The following SS18 variants were observed in gnomAD, a reference collection of about 807,000 sequenced individuals.
The protein encoded by SS18 is SS18 subunit of BAF chromatin remodeling complex, also known as protein SSXT.
Under a neutral mutation model 72.5 loss-of-function variants are expected in SS18, and 28 were observed. That is an observed-to-expected ratio of 0.39 (90% CI 0.29 to 0.53). SS18 has a LOEUF of 0.53. Ranked by LOEUF, SS18 falls within the 20% of genes least tolerant of loss-of-function variation. SS18 has a pLI of 0.76. For missense variants in SS18, 518 were observed against 535.3 expected (o/e 0.97, Z 0.32); for synonymous variants, 172 against 164.2 (o/e 1.05, Z -0.37).
intron 10 of SS18, among the ~76,000 whole-genome samples, chr18:26,020,525 T>C (rs1325873767): frequency 6.6e-6 from 1 of 152,216 alleles, no homozygotes; most frequent in Non-Finnish European, 1.5e-5. Context: ...ATTTATCTAC[T>C]GTATTATGAA....
intron 3 of SS18, among the ~76,000 whole-genome samples, chr18:26,064,588 T>A (rs963097443): frequency 6.6e-6 from 1 of 152,038 alleles, no homozygotes; most frequent in Admixed American, 6.5e-5. Context: ...ATAAAATCTT[T>A]CAGAAACTAA....
chr18:26,070,410 A>C, intron 3 of SS18, among the ~76,000 whole-genome samples: 1 of 152,210 alleles, frequency 6.6e-6, no homozygotes, highest in East Asian at 1.9e-4. Flanking sequence ...TGCTTATAGA[A>C]CAACTTCTCC....
At chr18:26,040,734 T>A (rs1270797206) in intron 5 of SS18, among the ~76,000 whole-genome samples, 1 of 152,210 alleles carries the variant, frequency 6.6e-6, no homozygotes, top group Non-Finnish European at 1.5e-5. Context: ...TTTCTCCTAT[T>A]TGCCTTCCGT....
intron 3 of SS18, among the ~76,000 whole-genome samples, chr18:26,074,418 T>C (rs900289079): frequency 1.3e-5 from 2 of 151,946 alleles, no homozygotes; most frequent in Non-Finnish European, 2.9e-5. Flanking sequence ...ACTACATGTC[T>C]GTGTGAGACT....
rs1438278952 is a variant in SS18 at position 26,082,504 on chromosome 18, A to G, written c.147-4344T>C. On this transcript the variant is annotated intron_variant, in intron 2 of 10. Coordinates refer to ENST00000415083, the MANE Select transcript of SS18 (RefSeq NM_001007559.3). ...TTTTTTTGTTGTTTGAAATTTATGCAACTCTGGAATAGTTTGGACTCACCC... is the reference window on the plus strand; with the variant it reads ...TTTTTTTGTTGTTTGAAATTTATGCGACTCTGGAATAGTTTGGACTCACCC... 6 of 985,260 alleles carry G rather than the reference A, an allele frequency of 6.1e-6. No individual in the cohort carries two copies. In the East Asian group the frequency reaches 6.8e-4, roughly 112 times the overall value. 61.0% of individuals were successfully genotyped at this position (985,260 alleles called of 1,614,324 possible). A position where few individuals can be genotyped will look rare whatever the true frequency, so the allele number is the denominator to read the frequency against.
Position 26,082,857 on chromosome 18 carries a change from T to C in SS18, c.146+4644A>G, listed in dbSNP as rs140297857. Among the ~76,000 whole-genome samples the C allele has an allele frequency of 5.0e-3, 765 of 152,320 alleles. 7 individuals are homozygous for C. Among genetic ancestry groups the C allele is most frequent in the Non-Finnish European group, 7.7e-3 (521 of 68,022 alleles). On this transcript the variant is annotated intron_variant, in intron 2 of 10. Transcript: ENST00000415083. ...TTCTAATTTGCACATACTGCTTTCA[T>C]AAAATACATAGTTATTTTTAATTTA...
At chr18:26,028,508 T>C (rs953961151) in intron 10 of SS18, among the ~76,000 whole-genome samples, 3 of 152,204 alleles carry the variant, frequency 2.0e-5, no homozygotes, top group African/African-American at 7.2e-5. Context: ...CCATGAATGT[T>C]CATAGTACTG....
chr18:26,076,624 CTTATTG>C (rs1444192408), intron 3 of SS18, among the ~76,000 whole-genome samples: 6 of 152,024 alleles, frequency 3.9e-5, no homozygotes, highest in African/African-American at 9.6e-5. Flanking sequence ...GGACAAGCAT[CTTATTG>C]TTAGTGTTAG....
chr18:26,088,131 C>T (rs1372866310), intron 1 of SS18, among the ~76,000 whole-genome samples: 1 of 152,120 alleles, frequency 6.6e-6, no homozygotes, highest in Non-Finnish European at 1.5e-5. Flanking sequence ...TTTTAATATT[C>T]CAATTATTCT....
At chr18:26,030,920 A>G (rs1470198981) in intron 10 of SS18, among the ~76,000 whole-genome samples, 1 of 152,190 alleles carries the variant, frequency 6.6e-6, no homozygotes, top group Non-Finnish European at 1.5e-5. Context: ...AAACTAAAGA[A>G]GACCATCTAA....
At position 26,039,770 on chromosome 18, in the gene SS18, C is replaced by T. The variant is rs1250019190; in HGVS notation, c.608-314G>A. Among the ~76,000 whole-genome samples, 2 of 152,068 alleles carry T rather than the reference C, an allele frequency of 1.3e-5. 1 individual carries two copies. The highest frequency in any genetic ancestry group is 2.9e-5 in the Non-Finnish European group (2 of 68,016). On this transcript the variant is annotated intron_variant, in intron 5 of 10. Transcript: ENST00000415083. ...GTGTGTATTTTCCATTACACACTAT[C>T]TAATATTTATCTATACCATCTTTCT...
intron 1 of SS18, among the ~76,000 whole-genome samples, chr18:26,089,038 G>GAACTTC (rs1286087645): frequency 6.6e-6 from 1 of 152,028 alleles, no homozygotes; most frequent in Non-Finnish European, 1.5e-5. Flanking sequence ...TCAAACTATT[G>GAACTTC]AACTTCACCA....
At chr18:26,055,762 T>TTG (rs1555649382) in intron 4 of SS18, among the ~76,000 whole-genome samples, 7 of 146,426 alleles carry the variant, frequency 4.8e-5, no homozygotes, top group African/African-American at 1.9e-4. Flanking sequence ...TTTTTTTTTT[T>TTG]TTTGTTTTTT....
intron 2 of SS18, 135 bp from the exon 3 acceptor site, chr18:26,078,295 C>T (rs897049255): frequency 3.7e-6 from 2 of 546,808 alleles, no homozygotes; most frequent in African/African-American, 1.9e-5. Flanking sequence ...TTCAATTTTT[C>T]CTACACTGCA....
chr18:26,044,188 T>G (rs532937239), intron 5 of SS18, among the ~76,000 whole-genome samples: 1 of 152,278 alleles, frequency 6.6e-6, no homozygotes, highest in Non-Finnish European at 1.5e-5. Flanking sequence ...TTTTTTAAAA[T>G]TATGTAATTA....
chr18:26,055,344 G>A (rs545757857), intron 4 of SS18, among the ~76,000 whole-genome samples: 22 of 151,978 alleles, frequency 1.4e-4, no homozygotes, highest in African/African-American at 5.3e-4. Flanking sequence ...GTGTGCGCCT[G>A]TAATCCCAGC....
rs75423462 is a variant in SS18 at position 26,062,057 on chromosome 18, T to C, written c.232-4315A>G. Among the ~76,000 whole-genome samples, 255 of 152,178 alleles carry C rather than the reference T, an allele frequency of 1.7e-3. 1 individual carries two copies. The highest frequency in any genetic ancestry group is 5.3e-3 in the African/African-American group (220 of 41,520). ...GGGGGAATCCCTTGAGGCCAGGAGA[T>C]CGAGGCTAGCCTGGCCAACATGATG... On this transcript the variant is annotated intron_variant, in intron 3 of 10. Coordinates refer to ENST00000415083, the MANE Select transcript of SS18 (RefSeq NM_001007559.3).
chr18:26,039,943 T>C (rs2053695780), intron 5 of SS18, among the ~76,000 whole-genome samples: 1 of 152,230 alleles, frequency 6.6e-6, no homozygotes, highest in Admixed American at 6.5e-5. Flanking sequence ...TCACTCATTA[T>C]ATAATGGTAG....
chr18:26,032,890 AAAGC>A (rs1321193886), intron 9 of SS18, among the ~76,000 whole-genome samples: 4 of 152,208 alleles, frequency 2.6e-5, no homozygotes, highest in Admixed American at 6.5e-5. Flanking sequence ...GGAAAAAGAG[AAAGC>A]AAGAGGCAGA....
Sources: gnomAD v4.1 joint callset for allele counts (sites outside exome capture counted in the v4.1 genomes callset) on GRCh38, gnomAD v4.1.1 for gene constraint, MANE v1.5 for transcripts, NCBI Gene and HGNC (gene_info 2026-07-23, HGNC 2026-07-21) for gene names.